The following C3orf70 variants were observed in gnomAD, a reference collection of about 807,000 sequenced individuals.
C3orf70 encodes UPF0524 protein C3orf70.
In C3orf70, 15 loss-of-function variants were observed where a neutral mutation model predicts 20.7. The observed-to-expected ratio is 0.72, with a 90% CI of 0.48 to 1.11. C3orf70 has a LOEUF of 1.11. C3orf70 is among the 50% of genes most tolerant of loss of function. The pLI is 0.00. For missense variants in C3orf70, 332 were observed against 317.6 expected, an observed-to-expected ratio of 1.05 and a Z score of -0.34; for synonymous variants, 161 against 125.7, an observed-to-expected ratio of 1.28 and a Z score of -1.88.
In C3orf70 at chr3:185,091,945, ATATATATATATATATATATTTTTTTTT is replaced by A. The variant is rs1561330918; in HGVS notation, c.197-8409_197-8383del. ...TATATATATATATATATATATATAT[ATATATATATATATATATATTTTTTTTT>A]TTTTTTAGTAGAGACAGGGTTTCAC... On this transcript the variant is annotated intron_variant, in intron 1 of 1. Transcript: ENST00000335012. Among the ~76,000 whole-genome samples, 63 of 6,906 alleles carry A rather than the reference ATATATATATATATATATATTTTTTTTT, an allele frequency of 9.1e-3. 1 individual carries two copies. Among genetic ancestry groups the A allele is most frequent in the African/African-American group, 0.037 (56 of 1,504 alleles). 4.5% of individuals were successfully genotyped at this position (6,906 alleles called of 152,430 possible). A position where few individuals can be genotyped will look rare whatever the true frequency, so the allele number is the denominator to read the frequency against.
At chr3:185,152,471 C>T (rs1271326954) in intron 1 of C3orf70, among the ~76,000 whole-genome samples, 157 bp downstream of exon 1, 1 of 152,098 alleles carries the variant, frequency 6.6e-6, no homozygotes, top group Admixed American at 6.5e-5. Context: ...AGGAAAGCTC[C>T]GGCGGGCCCG....
intron 1 of C3orf70, among the ~76,000 whole-genome samples, chr3:185,152,196 GAAAGAA>G (rs1177051765): frequency 1.3e-5 from 2 of 152,164 alleles, no homozygotes; most frequent in East Asian, 3.9e-4. Context: ...ACAAAAGTGA[GAAAGAA>G]AAAGAGGAGC....
At chr3:185,083,803 A>G (rs1162540767) in intron 1 of C3orf70, among the ~76,000 whole-genome samples, 2 of 152,202 alleles carry the variant, frequency 1.3e-5, no homozygotes, top group Non-Finnish European at 1.5e-5. Context: ...TGTCTTTCTG[A>G]TATCTCTGAA....
At position 185,081,530 on chromosome 3, in the gene C3orf70, T is replaced by C. The variant is rs1715337597; in HGVS notation, c.*1477A>G. 6.6e-6 allele frequency: 1 copy of C among 152,188 alleles called. No homozygotes were observed. Among genetic ancestry groups the C allele is most frequent in the African/African-American group, 2.4e-5 (1 of 41,436 alleles). 9.4% of individuals were successfully genotyped at this position (152,188 alleles called of 1,614,324 possible). On this transcript the variant is annotated 3_prime_UTR_variant, in exon 2 of 2. Coordinates refer to ENST00000335012, the MANE Select transcript of C3orf70 (RefSeq NM_001025266.3). ...TTCTGGATAGTTAGGATGGAAGTAC[T>C]GTTCTGTCTCCAACTCTGATGTTCT...
At chr3:185,094,331 C>A (rs1291430316) in intron 1 of C3orf70, among the ~76,000 whole-genome samples, 1 of 152,124 alleles carries the variant, frequency 6.6e-6, no homozygotes, top group Admixed American at 6.5e-5. Flanking sequence ...CCCACCTTGT[C>A]CTCCCAAAGT....
chr3:185,122,478 A>T (rs1405669934), intron 1 of C3orf70, among the ~76,000 whole-genome samples: 1 of 152,174 alleles, frequency 6.6e-6, no homozygotes, highest in African/African-American at 2.4e-5. Context: ...AAATCCTGTA[A>T]ATCACCATCC....
At chr3:185,086,494 T>C (rs1715461211) in intron 1 of C3orf70, among the ~76,000 whole-genome samples, 1 of 152,210 alleles carries the variant, frequency 6.6e-6, no homozygotes, top group Non-Finnish European at 1.5e-5. Flanking sequence ...GATCCCTTTC[T>C]CCTCTATGTG....
rs939061655 is a variant in C3orf70 at position 185,077,046 on chromosome 3, G to A, written c.*5961C>T. 6.6e-6 allele frequency among the ~76,000 whole-genome samples: 1 copy of A among 152,168 alleles called. No individual in the cohort carries two copies. The highest frequency in any genetic ancestry group is 1.5e-5 in the Non-Finnish European group (1 of 68,038). On this transcript the variant is annotated 3_prime_UTR_variant, in exon 2 of 2. Transcript: ENST00000335012. ...AGGAAAGGCAGAGCTAGTCTTGAATGCTAGTCAAGAGGTGATTAAACATGG... is the reference window on the plus strand; with the variant it reads ...AGGAAAGGCAGAGCTAGTCTTGAATACTAGTCAAGAGGTGATTAAACATGG...
chr3:185,094,728 G>A (rs892281577), intron 1 of C3orf70, among the ~76,000 whole-genome samples: 5 of 152,076 alleles, frequency 3.3e-5, no homozygotes, highest in African/African-American at 1.2e-4. Context: ...CATATAGCGA[G>A]TATGTCTGCC....
chr3:185,151,758 T>C (rs1243250464), intron 1 of C3orf70, among the ~76,000 whole-genome samples: 4 of 152,206 alleles, frequency 2.6e-5, no homozygotes, highest in African/African-American at 7.2e-5. Flanking sequence ...TACAAATATA[T>C]GTGGAAACTA....
rs1173357742 is a variant in C3orf70 at position 185,081,528 on chromosome 3, AC to A, written c.*1478del. 6.6e-6 allele frequency: 1 copy of A among 152,202 alleles called. No individual in the cohort carries two copies. The highest frequency in any genetic ancestry group is 1.5e-5 in the Non-Finnish European group (1 of 68,050). 9.4% of individuals were successfully genotyped at this position (152,202 alleles called of 1,614,324 possible). On this transcript the variant is annotated 3_prime_UTR_variant, in exon 2 of 2. Coordinates refer to ENST00000335012, the MANE Select transcript of C3orf70 (RefSeq NM_001025266.3). The stretch of plus-strand genomic sequence containing the variant: ...GCTTCTGGATAGTTAGGATGGAAGT[AC>A]TGTTCTGTCTCCAACTCTGATGTTC...
rs1715232853 is a variant in C3orf70, at chr3:185,077,912, GTCT to G, written c.*5092_*5094del. On this transcript the variant is annotated 3_prime_UTR_variant, in exon 2 of 2. Coordinates refer to ENST00000335012, the MANE Select transcript of C3orf70 (RefSeq NM_001025266.3). ...TACAGTTTATCTGCACCTCATTGAGGTCTTGTAAAGGTTTAATGGGGTAATGGC... is the reference window on the plus strand; with the variant it reads ...TACAGTTTATCTGCACCTCATTGAGGTGTAAAGGTTTAATGGGGTAATGGC... The G allele has an allele frequency of 6.6e-6, 1 of 152,116 alleles. No homozygotes were observed. Among genetic ancestry groups the G allele is most frequent in the African/African-American group, 2.4e-5 (1 of 41,380 alleles). 9.4% of individuals were successfully genotyped at this position (152,116 alleles called of 1,614,324 possible).
intron 1 of C3orf70, among the ~76,000 whole-genome samples, chr3:185,116,089 A>G (rs949504954): frequency 6.6e-6 from 1 of 152,228 alleles, no homozygotes; most frequent in African/African-American, 2.4e-5. Context: ...TCTGAGGTGC[A>G]GAATTTGGAA....
chr3:185,084,571 G>A (rs1715421926), intron 1 of C3orf70, among the ~76,000 whole-genome samples: 1 of 151,702 alleles, frequency 6.6e-6, no homozygotes, highest in Non-Finnish European at 1.5e-5. Context: ...AGAAGCAAAG[G>A]GCAAACACAC....
At chr3:185,099,668 T>C (rs1715781746) in intron 1 of C3orf70, among the ~76,000 whole-genome samples, 1 of 151,930 alleles carries the variant, frequency 6.6e-6, no homozygotes, top group Non-Finnish European at 1.5e-5. Flanking sequence ...AAGTCTAAAA[T>C]AACCAGCTAA....
rs1561322955 is a variant in C3orf70, at chr3:185,082,948, CCAGA to C, written c.*55_*58del. 1 of 1,526,314 alleles carries C rather than the reference CCAGA, an allele frequency of 6.6e-7. No homozygotes were observed. Among genetic ancestry groups the C allele is most frequent in the East Asian group, 2.3e-5 (1 of 44,304 alleles). The allele number at this position is 1,526,314 out of a possible 1,614,324, so 94.5% of individuals were successfully genotyped here. A position where few individuals can be genotyped will look rare whatever the true frequency, so the allele number is the denominator to read the frequency against. The stretch of plus-strand genomic sequence containing the variant: ...CAACAGCATTGGAAAAAAGGATCCA[CCAGA>C]CAAAGGTACAAAAGCTCGGCGTGGG... On this transcript the variant is annotated 3_prime_UTR_variant, in exon 2 of 2. Transcript: ENST00000335012.
intron 1 of C3orf70, among the ~76,000 whole-genome samples, chr3:185,085,794 TCCCTCCAGA>T (rs1561325814): frequency 6.6e-6 from 1 of 150,860 alleles, no homozygotes; most frequent in African/African-American, 2.5e-5. Flanking sequence ...CCTTTAAGCC[TCCCTCCAGA>T]CCCTCCAGCC....
intron 1 of C3orf70, among the ~76,000 whole-genome samples, chr3:185,111,920 A>C (rs1278961052): frequency 6.6e-6 from 1 of 152,208 alleles, no homozygotes; most frequent in African/African-American, 2.4e-5. Flanking sequence ...TGCTAACTGA[A>C]GTCAAGAGAA....
intron 1 of C3orf70, among the ~76,000 whole-genome samples, chr3:185,146,447 C>A (rs1488180384): frequency 6.6e-6 from 1 of 151,990 alleles, no homozygotes; most frequent in African/African-American, 2.4e-5. Flanking sequence ...GCCACCACAC[C>A]CAGCTAGTTT....
Sources: gnomAD v4.1 joint callset for allele counts (sites outside exome capture counted in the v4.1 genomes callset) on GRCh38, gnomAD v4.1.1 for gene constraint, MANE v1.5 for transcripts, NCBI Gene and HGNC (gene_info 2026-07-23, HGNC 2026-07-21) for gene names.